The following STK32B variants were observed in gnomAD, a reference collection of about 807,000 sequenced individuals.
STK32B encodes the protein serine/threonine kinase 32B.
STK32B carries 43 observed loss-of-function variants against 52.6 expected under a neutral mutation model. That is an observed-to-expected ratio of 0.82 (90% CI 0.64 to 1.05). The LOEUF (loss-of-function observed/expected upper bound fraction) is 1.05, where lower values mean the gene tolerates loss of function less well. Among genes scored for constraint, STK32B ranks in the 50% least tolerant of loss-of-function variants. The probability of loss-of-function intolerance (pLI) is 0.00; values close to 1 mark genes in which losing one functional copy is unlikely to be tolerated. For missense variants in STK32B, 621 were observed against 534.6 expected, an observed-to-expected ratio of 1.16 and a Z score of -1.59; for synonymous variants, 238 against 204.3, an observed-to-expected ratio of 1.17 and a Z score of -1.41.
intron 3 of STK32B, among the ~76,000 whole-genome samples, chr4:5,223,423 A>G (rs947308020): frequency 6.6e-6 from 1 of 152,114 alleles, no homozygotes; most frequent in Non-Finnish European, 1.5e-5. Context: ...TGTAGACTCT[A>G]ACCTGTAAGA....
chr4:5,066,545 T>C (rs571299724), intron 1 of STK32B, among the ~76,000 whole-genome samples: 59 of 152,334 alleles, frequency 3.9e-4, no homozygotes, highest in Admixed American at 5.2e-4. Flanking sequence ...TTCAGAACCC[T>C]GTATGGTCTA....
At chr4:5,249,441 A>ACCTTCCTTCCTTCCTT (rs149485895) in intron 3 of STK32B, among the ~76,000 whole-genome samples, 4 of 137,340 alleles carry the variant, frequency 2.9e-5, no homozygotes, top group Non-Finnish European at 4.8e-5. Flanking sequence ...CTTCCTACCT[A>ACCTTCCTTCCTTCCTT]CCTTCCTTCC....
intron 1 of STK32B, among the ~76,000 whole-genome samples, chr4:5,077,609 C>G (rs563261191): frequency 6.6e-6 from 1 of 152,272 alleles, no homozygotes; most frequent in Admixed American, 6.5e-5. Context: ...TCTCTTCTCC[C>G]TTGCAGCCAA....
intron 2 of STK32B, among the ~76,000 whole-genome samples, chr4:5,159,548 T>TGA (rs1718172956): frequency 1.1e-5 from 1 of 90,300 alleles, no homozygotes; most frequent in African/African-American, 5.6e-5. Context: ...TATGTATATA[T>TGA]ATGAATATAT....
intron 1 of STK32B, among the ~76,000 whole-genome samples, chr4:5,069,577 C>G (rs1711626445): frequency 6.6e-6 from 1 of 152,168 alleles, no homozygotes; most frequent in South Asian, 2.1e-4. Flanking sequence ...CTGCTACTTC[C>G]TAGCTGAGTG....
At chr4:5,025,329 G>T in the STK32B span, among the ~76,000 whole-genome samples, 1 of 152,176 alleles carries the variant, frequency 6.6e-6, no homozygotes, top group Non-Finnish European at 1.5e-5. Context: ...CACCCGTCCA[G>T]GGGGGAGGTG....
At chr4:5,440,149 T>G (rs1435960345) in intron 6 of STK32B, among the ~76,000 whole-genome samples, 1 of 152,200 alleles carries the variant, frequency 6.6e-6, no homozygotes, top group East Asian at 1.9e-4. Context: ...AGAAAGTCTT[T>G]GGTAGCTTGA....
At chr4:5,416,022 T>C (rs1225728121) in intron 5 of STK32B, among the ~76,000 whole-genome samples, 2 of 152,240 alleles carry the variant, frequency 1.3e-5, no homozygotes, top group Non-Finnish European at 2.9e-5. Context: ...TTTCACATGA[T>C]GTGATGACAG....
chr4:5,125,157 G>C (rs767491879), intron 1 of STK32B, among the ~76,000 whole-genome samples: 4 of 152,116 alleles, frequency 2.6e-5, no homozygotes, highest in Admixed American at 1.3e-4. Context: ...AATGATCTGG[G>C]AAGCAGATTC....
At chr4:5,178,412 G>A (rs950724108) in intron 3 of STK32B, among the ~76,000 whole-genome samples, 7 of 152,178 alleles carry the variant, frequency 4.6e-5, no homozygotes, top group African/African-American at 1.7e-4. Context: ...AGGCCTCTGG[G>A]CCTGTGATGG....
intron 1 of STK32B, among the ~76,000 whole-genome samples, chr4:5,114,065 T>TTC (rs1714575255): frequency 6.6e-6 from 1 of 152,072 alleles, no homozygotes; most frequent in Non-Finnish European, 1.5e-5. Context: ...TTGTGAAGGA[T>TTC]ACAATTCAAG....
intron 3 of STK32B, among the ~76,000 whole-genome samples, chr4:5,323,956 T>C (rs539127502): frequency 6.6e-6 from 1 of 152,348 alleles, no homozygotes; most frequent in Non-Finnish European, 1.5e-5. Flanking sequence ...ATCTTGGACA[T>C]GTTACTTAAT....
intron 6 of STK32B, among the ~76,000 whole-genome samples, chr4:5,442,745 G>T (rs1277545304): frequency 1.3e-5 from 2 of 152,158 alleles, no homozygotes; most frequent in Admixed American, 6.5e-5. Flanking sequence ...GCTGGTACCG[G>T]TTGTTCCTTT....
chr4:5,338,194 T>C (rs540403005), intron 4 of STK32B, among the ~76,000 whole-genome samples: 22 of 152,182 alleles, frequency 1.4e-4, no homozygotes, highest in Non-Finnish European at 2.9e-4. Flanking sequence ...AACTATTGGC[T>C]CTTTGAACTA....
At chr4:5,383,119 G>A (rs1736034768) in intron 4 of STK32B, among the ~76,000 whole-genome samples, 2 of 152,204 alleles carry the variant, frequency 1.3e-5, no homozygotes, top group African/African-American at 4.8e-5. Flanking sequence ...CTCTGGTTTT[G>A]TGGGGCCACC....
At chr4:5,192,381 G>A (rs1334654142) in intron 3 of STK32B, among the ~76,000 whole-genome samples, 1 of 152,112 alleles carries the variant, frequency 6.6e-6, no homozygotes, top group African/African-American at 2.4e-5. Context: ...TAATAGTGGT[G>A]CTTTATTAAT....
chr4:5,456,706 A>T, intron 7 of STK32B, 101 bp from the exon 8 acceptor site: 1 of 1,085,936 alleles, frequency 9.2e-7, no homozygotes, highest in Non-Finnish European at 1.3e-6. Flanking sequence ...TTACTTGAAG[A>T]GGAAGAATAA....
At chr4:5,328,524 C>G (rs1403628052) in intron 3 of STK32B, among the ~76,000 whole-genome samples, 1 of 152,152 alleles carries the variant, frequency 6.6e-6, no homozygotes, top group Non-Finnish European at 1.5e-5. Context: ...AACTACTGGT[C>G]AGTGGAGCAT....
chr4:5,066,503 T>A (rs1220809147), intron 1 of STK32B, among the ~76,000 whole-genome samples: 2 of 152,190 alleles, frequency 1.3e-5, no homozygotes, highest in Non-Finnish European at 2.9e-5. Flanking sequence ...TCCATTGCTC[T>A]CCGGTCAAAG....
Sources: allele counts gnomAD v4.1 joint callset (sites outside exome capture counted in the v4.1 genomes callset), GRCh38; gene constraint gnomAD v4.1.1; transcripts MANE v1.5; gene names NCBI Gene and HGNC (gene_info 2026-07-23, HGNC 2026-07-21).